GLCCI1: variants seen among roughly 807,000 people sequenced by gnomAD.
GLCCI1 encodes the protein glucocorticoid induced 1.
GLCCI1 carries 24 observed loss-of-function variants against 52.2 expected under a neutral mutation model. The ratio of observed to expected loss-of-function variants is 0.46; its 90% CI spans 0.33 to 0.65. The LOEUF (loss-of-function observed/expected upper bound fraction) is 0.65, where lower values mean the gene tolerates loss of function less well. Ranked by LOEUF, GLCCI1 falls within the 30% of genes least tolerant of loss-of-function variation. The probability of loss-of-function intolerance (pLI) is 0.02; values close to 1 mark genes in which losing one functional copy is unlikely to be tolerated. For synonymous variants in GLCCI1, 310 were observed against 276.5 expected (o/e 1.12, Z -1.20); for missense variants, 704 against 701.5 (o/e 1.00, Z -0.04).
chr7:8,024,014 ACTT>A (rs1781558923), intron 3 of GLCCI1, among the ~76,000 whole-genome samples: 1 of 152,198 alleles, frequency 6.6e-6, no homozygotes, highest in Non-Finnish European at 1.5e-5. Flanking sequence ...GAATTAGATA[ACTT>A]AGTTTTGACT....
intron 1 of GLCCI1, among the ~76,000 whole-genome samples, chr7:7,976,219 C>A (rs1780466157): frequency 6.6e-6 from 1 of 152,136 alleles, no homozygotes; most frequent in African/African-American, 2.4e-5. Context: ...TGGCTCATGC[C>A]TGTAATCCCA....
chr7:7,986,547 T>G (rs964547719), intron 1 of GLCCI1, among the ~76,000 whole-genome samples: 4 of 151,240 alleles, frequency 2.6e-5, no homozygotes, highest in African/African-American at 9.7e-5. Context: ...AAAGAAAAAG[T>G]GACCTAGTGT....
chr7:8,070,618 G>C (rs1782740230), intron 5 of GLCCI1: 1 of 210,634 alleles, frequency 4.7e-6, no homozygotes, highest in Non-Finnish European at 9.4e-6. Context: ...CATGTGCCAG[G>C]AGTAGTGCCA....
chr7:8,053,460 T>C (rs1179409847), intron 3 of GLCCI1, among the ~76,000 whole-genome samples: 2 of 151,616 alleles, frequency 1.3e-5, no homozygotes, highest in Non-Finnish European at 2.9e-5. Context: ...GTAGCTGGGA[T>C]TACAGGCCCA....
In GLCCI1 at chr7:8,000,782, C is replaced by G. The variant is rs187163169; in HGVS notation, c.458-3126C>G. Among the ~76,000 whole-genome samples the G allele has an allele frequency of 3.5e-3, 539 of 152,230 alleles. 3 individuals are homozygous for G. The highest frequency in any genetic ancestry group is 0.014 in the Middle Eastern group (4 of 294). On this transcript the variant is annotated intron_variant, in intron 1 of 7. Coordinates refer to ENST00000223145, the MANE Select transcript of GLCCI1 (RefSeq NM_138426.4). Reference sequence around the variant, plus strand: ...GTCAAGAATCTATATGTACCCTTTACCATTATGTAATGGCCTTCTTTGTCT... The same window carrying G: ...GTCAAGAATCTATATGTACCCTTTAGCATTATGTAATGGCCTTCTTTGTCT...
chr7:7,989,403 T>C (rs1376814019), intron 1 of GLCCI1, among the ~76,000 whole-genome samples: 1 of 152,144 alleles, frequency 6.6e-6, no homozygotes. Context: ...GTTTGTAAAA[T>C]GTCAGAGCAT....
intron 3 of GLCCI1, among the ~76,000 whole-genome samples, chr7:8,045,831 G>A (rs991419672): frequency 2.0e-5 from 3 of 151,996 alleles, no homozygotes; most frequent in African/African-American, 4.8e-5. Context: ...GCAGGAGTTC[G>A]CAGAGGATAA....
intron 2 of GLCCI1, among the ~76,000 whole-genome samples, chr7:8,021,733 A>G (rs1279757779): frequency 6.6e-6 from 1 of 152,214 alleles, no homozygotes; most frequent in Non-Finnish European, 1.5e-5. Flanking sequence ...CAACTATTAA[A>G]TGGTCTTAAC....
Position 7,969,475 on chromosome 7 carries a change from G to A in GLCCI1, c.125G>A (p.Gly42Asp). 1.9e-6 allele frequency: 2 copies of A among 1,062,292 alleles called. No homozygotes were observed. The highest frequency in any genetic ancestry group is 2.3e-6 in the Non-Finnish European group (2 of 882,880). The allele number at this position is 1,062,292 out of a possible 1,614,324, so 65.8% of individuals were successfully genotyped here. A position where few individuals can be genotyped will look rare whatever the true frequency, so the allele number is the denominator to read the frequency against. Residue 42 changes from glycine to aspartate, a missense_variant, in exon 1 of 8, where the codon GGT becomes GAT. Physicochemically the swap from Gly to Asp is moderately conservative, Grantham distance 94. This residue lies in a region of GLCCI1 where 547 missense variants were observed against 524.8 expected (regional missense o/e 1.04). Coordinates refer to ENST00000223145, the MANE Select transcript of GLCCI1 (RefSeq NM_138426.4). This position sits in a 1 kb window ranked among gnomAD's most constrained non-coding sequence, Gnocchi z 4.9. ...GTCGCCGCCGCCGGGAGCGGGAACG[G>A]TGCGGGCGGCGGCGGCGGCGTGGGC... ...PAVAAAGSGN[G>D]AGGGGGVGCA...
At chr7:8,077,435 G>A (rs997805627) in intron 6 of GLCCI1, among the ~76,000 whole-genome samples, 1 of 152,134 alleles carries the variant, frequency 6.6e-6, no homozygotes, top group Non-Finnish European at 1.5e-5. Flanking sequence ...TAAAGACACT[G>A]GAGTTGAGAT....
intron 6 of GLCCI1, among the ~76,000 whole-genome samples, chr7:8,076,043 A>C (rs1019643833): frequency 1.3e-5 from 2 of 152,220 alleles, no homozygotes; most frequent in African/African-American, 4.8e-5. Flanking sequence ...CTTTTGAAAC[A>C]GACTGCTTTT....
At chr7:8,063,979 C>T (rs1201993264) in intron 5 of GLCCI1, among the ~76,000 whole-genome samples, 1 of 152,062 alleles carries the variant, frequency 6.6e-6, no homozygotes, top group African/African-American at 2.4e-5. Context: ...CATTTGTTTT[C>T]ATTTCTTAGA....
At chr7:8,076,717 A>T (rs926051882) in intron 6 of GLCCI1, among the ~76,000 whole-genome samples, 3 of 152,188 alleles carry the variant, frequency 2.0e-5, no homozygotes, top group Non-Finnish European at 2.9e-5. Context: ...ATTTCACTTA[A>T]TTGTTTGTCT....
Position 8,070,985 on chromosome 7 carries a change from G to A in GLCCI1, c.1031G>A (p.Arg344His), listed in dbSNP as rs750768554. Residue 344 changes from arginine to histidine, a missense_variant, in exon 6 of 8, where the codon CGC becomes CAC. Arg to His is a conservative substitution (Grantham distance 29, BLOSUM62 0). Transcript: ENST00000223145. ...LPAHYRSSST[R>H]SIDTQTPSVQ... ...GCTCATTACCGGAGCAGTAGTACTC[G>A]CAGCATTGACACTCAGACTCCTTCT... 2.5e-6 allele frequency: 4 copies of A among 1,614,120 alleles called. No individual in the cohort carries two copies. The highest frequency in any genetic ancestry group is 2.2e-5 in the East Asian group (1 of 44,888).
chr7:8,072,666 A>T (rs542828913), intron 6 of GLCCI1, among the ~76,000 whole-genome samples: 201 of 152,294 alleles, frequency 1.3e-3, no homozygotes, highest in African/African-American at 4.6e-3. Flanking sequence ...TGTAGGTGGT[A>T]AATGGAGAAA....
chr7:8,086,393 G>T lies in GLCCI1; in HGVS notation c.1499G>T (p.Arg500Leu), dbSNP rs541845412. 2 of 1,614,070 alleles carry T rather than the reference G, an allele frequency of 1.2e-6. No homozygotes were observed. The highest frequency in any genetic ancestry group is 1.1e-5 in the South Asian group (1 of 91,068). The change falls in exon 8 of 8, where the codon CGG becomes CTG. Residue 500 changes from arginine to leucine, a missense_variant. Physicochemically the swap from Arg to Leu is moderately radical, Grantham distance 102. Transcript: ENST00000223145. The surrounding 1 kb of genome is among the most constrained non-coding windows in gnomAD (Gnocchi z 4.4). ...ATLTVEQLSS[R>L]VSFTSLSDDT... ...CTGACCGTTGAGCAGCTCTCATCCC[G>T]GGTTTCCTTTACGTCTCTTTCTGAT... is the stretch of plus-strand genomic sequence containing the variant.
At chr7:8,027,229 T>C (rs1781641580) in intron 3 of GLCCI1, among the ~76,000 whole-genome samples, 1 of 152,238 alleles carries the variant, frequency 6.6e-6, no homozygotes, top group Admixed American at 6.5e-5. Flanking sequence ...AACTCACGCC[T>C]GTAATCCCAG....
At chr7:8,007,649 G>A (rs760596061) in intron 2 of GLCCI1, among the ~76,000 whole-genome samples, 4 of 152,138 alleles carry the variant, frequency 2.6e-5, no homozygotes, top group African/African-American at 4.8e-5. Flanking sequence ...TTTATGTAGT[G>A]GAATTATGTA....
intron 3 of GLCCI1, among the ~76,000 whole-genome samples, chr7:8,049,990 A>T (rs1303413590): frequency 1.3e-5 from 2 of 152,236 alleles, no homozygotes; most frequent in Non-Finnish European, 2.9e-5. Context: ...GTTTATTAAT[A>T]GTTGTAAATA....
Sources: allele counts gnomAD v4.1 joint callset (sites outside exome capture counted in the v4.1 genomes callset), GRCh38; gene constraint gnomAD v4.1.1; regional missense constraint gnomAD v4.1.1; non-coding constraint Gnocchi (gnomAD v3.1); transcripts MANE v1.5; gene names NCBI Gene and HGNC (gene_info 2026-07-23, HGNC 2026-07-21).